The following CAST variants were observed in gnomAD, a reference collection of about 807,000 sequenced individuals.
CAST encodes calpastatin.
In CAST, 76 loss-of-function variants were observed where a neutral mutation model predicts 119.6. The observed-to-expected ratio is 0.64, with a 90% confidence interval of 0.53 to 0.77. The LOEUF (loss-of-function observed/expected upper bound fraction) is 0.77, where lower values mean the gene tolerates loss of function less well. CAST is among the 30% of genes least tolerant of loss of function. The probability of loss-of-function intolerance (pLI) is 0.00; values close to 1 mark genes in which losing one functional copy is unlikely to be tolerated. For synonymous variants in CAST, 319 were observed against 331.6 expected (o/e 0.96, Z 0.41); for missense variants, 953 against 946.5 (o/e 1.01, Z -0.09).
At chr5:96,098,892 G>A in the CAST span, among the ~76,000 whole-genome samples, 1 of 152,232 alleles carries the variant, frequency 6.6e-6, no homozygotes, top group African/African-American at 2.4e-5. Context: ...GAATAGTGTT[G>A]GATCTATAAA....
At chr5:96,144,004 G>A in the CAST span, among the ~76,000 whole-genome samples, 7 of 152,004 alleles carry the variant, frequency 4.6e-5, no homozygotes, top group Non-Finnish European at 7.4e-5. Flanking sequence ...TTGGTAGGAC[G>A]GCCTCTGAGA....
intron 2 of CAST, among the ~76,000 whole-genome samples, chr5:96,690,864 A>G (rs1464169371): frequency 6.6e-6 from 1 of 152,240 alleles, no homozygotes; most frequent in Admixed American, 6.5e-5. Context: ...GCCATTTTAT[A>G]GGACAACTAC....
intron 1 of CAST, among the ~76,000 whole-genome samples, chr5:96,670,489 G>A (rs1749920927): frequency 6.6e-6 from 1 of 152,004 alleles, no homozygotes; most frequent in Non-Finnish European, 1.5e-5. Context: ...ATGTGAAGAA[G>A]TTTCTTTGAT....
the CAST span, among the ~76,000 whole-genome samples, chr5:96,166,397 T>C: frequency 6.6e-6 from 1 of 152,152 alleles, no homozygotes; most frequent in African/African-American, 2.4e-5. Flanking sequence ...TCAGCCCTCA[T>C]GGGCCAGAAT....
At chr5:96,135,878 T>A in the CAST span, among the ~76,000 whole-genome samples, 1 of 152,110 alleles carries the variant, frequency 6.6e-6, no homozygotes, top group African/African-American at 2.4e-5. Context: ...CCAACCAACA[T>A]GGTGAAACCC....
At chr5:96,530,161 A>C (rs995361763) in intron 1 of CAST, among the ~76,000 whole-genome samples, 2 of 151,916 alleles carry the variant, frequency 1.3e-5, no homozygotes, top group Non-Finnish European at 2.9e-5. Flanking sequence ...CAAGAGACAG[A>C]CTAACGTGGG....
At chr5:96,356,121 C>G in the CAST span, among the ~76,000 whole-genome samples, 1 of 152,082 alleles carries the variant, frequency 6.6e-6, no homozygotes, top group African/African-American at 2.4e-5. Context: ...GTTTGTTGGC[C>G]ACATAATTGT....
At chr5:96,384,825 C>T in the CAST span, among the ~76,000 whole-genome samples, 1 of 152,074 alleles carries the variant, frequency 6.6e-6, no homozygotes, top group African/African-American at 2.4e-5. Flanking sequence ...GAAAAATGCA[C>T]CCCTAAAGAG....
At chr5:96,678,222 C>T (rs1347004135) in intron 2 of CAST, among the ~76,000 whole-genome samples, 1 of 152,156 alleles carries the variant, frequency 6.6e-6, no homozygotes, top group Non-Finnish European at 1.5e-5. Flanking sequence ...CTCTGTTGAA[C>T]AAAACGTGAG....
At chr5:96,532,538 G>T (rs1175347924) in intron 1 of CAST, among the ~76,000 whole-genome samples, 2 of 152,126 alleles carry the variant, frequency 1.3e-5, no homozygotes, top group Non-Finnish European at 2.9e-5. Flanking sequence ...AACATAGTGA[G>T]ACCCTGTCCA....
the CAST span, among the ~76,000 whole-genome samples, chr5:96,042,156 T>C: frequency 6.6e-5 from 10 of 152,000 alleles, no homozygotes; most frequent in Admixed American, 1.3e-4. Flanking sequence ...GCCAACAAAA[T>C]CAGGTAACTG....
chr5:96,631,928 T>C (rs991862125), intron 1 of CAST, among the ~76,000 whole-genome samples: 1 of 152,168 alleles, frequency 6.6e-6, no homozygotes, highest in Non-Finnish European at 1.5e-5. Flanking sequence ...CCAAGCTGTT[T>C]TTCACAGGGG....
At chr5:96,468,216 T>C in the CAST span, among the ~76,000 whole-genome samples, 1 of 151,980 alleles carries the variant, frequency 6.6e-6, no homozygotes, top group African/African-American at 2.4e-5. Flanking sequence ...TAATGGACAC[T>C]GGAGATTCAG....
At chr5:96,243,279 GT>G in the CAST span, among the ~76,000 whole-genome samples, 1 of 148,362 alleles carries the variant, frequency 6.7e-6, no homozygotes. Context: ...GGCAATGGAA[GT>G]TTTATTTATT....
the CAST span, among the ~76,000 whole-genome samples, chr5:96,388,437 C>G: frequency 2.0e-5 from 3 of 152,180 alleles, no homozygotes; most frequent in Non-Finnish European, 4.4e-5. Flanking sequence ...GGGGCACACT[C>G]TCCTCACAGC....
the CAST span, among the ~76,000 whole-genome samples, chr5:96,304,807 A>C: frequency 2.6e-5 from 4 of 152,136 alleles, no homozygotes; most frequent in Admixed American, 1.3e-4. Flanking sequence ...CCATTGGTCT[A>C]TATATCTGTT....
chr5:96,044,852 G>C, the CAST span, among the ~76,000 whole-genome samples: 1 of 152,174 alleles, frequency 6.6e-6, no homozygotes, highest in Non-Finnish European at 1.5e-5. Context: ...ACAGATGAAA[G>C]AAGTCAGTTA....
At chr5:96,431,880 C>T in the CAST span, among the ~76,000 whole-genome samples, 1 of 152,052 alleles carries the variant, frequency 6.6e-6, no homozygotes, top group Non-Finnish European at 1.5e-5. Context: ...AAGCAGGGGG[C>T]GAGGGCTTGA....
At chr5:96,754,806 G>A (rs1345833068) in intron 22 of CAST, 65 bp downstream of exon 22, 1 of 923,670 alleles carries the variant, frequency 1.1e-6, no homozygotes, top group Non-Finnish European at 1.8e-6. Flanking sequence ...ACAGAACAAA[G>A]GTACTTGGGA....
Sources: allele counts gnomAD v4.1 joint callset (sites outside exome capture counted in the v4.1 genomes callset), GRCh38; gene constraint gnomAD v4.1.1; transcripts MANE v1.5; gene names NCBI Gene and HGNC (gene_info 2026-07-23, HGNC 2026-07-21).